Variants in MARK1 observed in about 807,000 individuals in gnomAD.
MARK1 encodes serine/threonine-protein kinase MARK1.
In MARK1, 40 loss-of-function variants were observed where a neutral mutation model predicts 96.3. The ratio of observed to expected loss-of-function variants is 0.42; its 90% CI spans 0.32 to 0.54. MARK1 has a LOEUF of 0.54. Among genes scored for constraint, MARK1 ranks in the 20% least tolerant of loss-of-function variants. The pLI, the probability that MARK1 is intolerant of heterozygous loss-of-function variation, is 0.16. For synonymous variants in MARK1, 317 were observed against 341.2 expected (o/e 0.93, Z 0.78); for missense variants, 719 against 984.6 (o/e 0.73, Z 3.61).
intron 1 of MARK1, among the ~76,000 whole-genome samples, chr1:220,559,495 A>G (rs941158425): frequency 6.6e-6 from 1 of 152,230 alleles, no homozygotes; most frequent in Non-Finnish European, 1.5e-5. Flanking sequence ...ATAGGCCCAT[A>G]GTTGGAAAGG....
At chr1:220,617,587 T>C (rs1200007017) in intron 7 of MARK1, among the ~76,000 whole-genome samples, 2 of 152,166 alleles carry the variant, frequency 1.3e-5, no homozygotes, top group Non-Finnish European at 2.9e-5. Context: ...AAAAGGGACA[T>C]GTAAAATATT....
At chr1:220,613,730 A>G (rs1666584519) in intron 6 of MARK1, among the ~76,000 whole-genome samples, 1 of 152,228 alleles carries the variant, frequency 6.6e-6, no homozygotes, top group Non-Finnish European at 1.5e-5. Context: ...ATATTGCTTA[A>G]GAAAACTAAT....
intron 1 of MARK1, among the ~76,000 whole-genome samples, chr1:220,558,655 G>C (rs1329454801): frequency 7.2e-5 from 11 of 151,830 alleles, no homozygotes; most frequent in Admixed American, 7.2e-4. Context: ...ATATATTACT[G>C]TAACTTATAC....
chr1:220,655,646 A>T (rs1025411132), intron 16 of MARK1, among the ~76,000 whole-genome samples: 2 of 152,106 alleles, frequency 1.3e-5, no homozygotes, highest in Admixed American at 6.5e-5. Context: ...CACTCCCGCC[A>T]CTGCCTTCAT....
intron 1 of MARK1, among the ~76,000 whole-genome samples, chr1:220,561,046 C>T (rs1444168536): frequency 2.0e-5 from 3 of 151,978 alleles, no homozygotes; most frequent in East Asian, 3.9e-4. Flanking sequence ...GTGTGGAAAG[C>T]AGGGAAGTTA....
At chr1:220,555,492 A>G (rs1201247912) in intron 1 of MARK1, among the ~76,000 whole-genome samples, 1 of 152,178 alleles carries the variant, frequency 6.6e-6, no homozygotes, top group Non-Finnish European at 1.5e-5. Flanking sequence ...AAAGGTGTAG[A>G]GAAGTGAATG....
chr1:220,640,767 G>A (rs1053172693), intron 13 of MARK1, among the ~76,000 whole-genome samples: 1 of 152,088 alleles, frequency 6.6e-6, no homozygotes, highest in African/African-American at 2.4e-5. Context: ...AAAATAAGAG[G>A]GGGCCAAATA....
Position 220,617,969 on chromosome 1 carries a change from T to A in MARK1, c.553-341T>A, listed in dbSNP as rs1383961960. Among the ~76,000 whole-genome samples the A allele has an allele frequency of 3.9e-5, 6 of 152,126 alleles. No individual in the cohort carries two copies. The East Asian group carries it at 1.2e-3, about 29-fold the overall frequency. On this transcript the variant is annotated intron_variant, in intron 7 of 17. Coordinates refer to ENST00000366917, the MANE Select transcript of MARK1 (RefSeq NM_018650.5). ...TGGATTCGTATTATGTTCTTTAGAG[T>A]AGGTCATATTAAGGTACGCTTCCAG...
chr1:220,553,107 A>T (rs1460348927), intron 1 of MARK1, among the ~76,000 whole-genome samples: 2 of 152,228 alleles, frequency 1.3e-5, no homozygotes, highest in Non-Finnish European at 2.9e-5. Flanking sequence ...AGTGATCTCC[A>T]TATGCTGTGC....
Position 220,614,535 on chromosome 1 carries a change from A to G in MARK1, c.496-1404A>G, listed in dbSNP as rs150014215. Among the ~76,000 whole-genome samples, 19 of 152,096 alleles carry G rather than the reference A, an allele frequency of 1.2e-4. No individual in the cohort carries two copies. In the East Asian group the frequency reaches 3.5e-3, roughly 28 times the overall value. ...ATAGGGGAATAATATATACCTCTCT[A>G]TATACAATATATAGAAAGGTAATAA... is the stretch of plus-strand genomic sequence containing the variant. On this transcript the variant is annotated intron_variant, in intron 6 of 17. Transcript: ENST00000366917.
intron 16 of MARK1, among the ~76,000 whole-genome samples, chr1:220,656,786 A>G (rs752209431): frequency 3.3e-5 from 5 of 151,208 alleles, no homozygotes; most frequent in Admixed American, 6.6e-5. Context: ...TCAGATAGAA[A>G]AATTTTTTTT....
rs17008033 is a variant in MARK1, at chr1:220,593,521, C to G, written c.310-4810C>G. Among the ~76,000 whole-genome samples, 1,298 of 152,128 alleles carry G rather than the reference C, an allele frequency of 8.5e-3. 16 individuals are homozygous for G. The highest frequency in any genetic ancestry group is 0.029 in the African/African-American group (1,188 of 41,506). ...TCATATTACTTGTGAATTTTATCTG[C>G]TCATGTGCCACAGTAAGAAAAAAAA... On this transcript the variant is annotated intron_variant, in intron 3 of 17. Coordinates refer to ENST00000366917, the MANE Select transcript of MARK1 (RefSeq NM_018650.5).
intron 1 of MARK1, among the ~76,000 whole-genome samples, chr1:220,540,604 CTA>C (rs1661069606): frequency 6.6e-6 from 1 of 152,100 alleles, no homozygotes; most frequent in Admixed American, 6.5e-5. Flanking sequence ...TACATTTCTT[CTA>C]TGTTATCTGA....
intron 14 of MARK1, 53 bp downstream of exon 14, chr1:220,650,773 G>A: frequency 7.7e-7 from 1 of 1,293,038 alleles, no homozygotes; most frequent in Non-Finnish European, 1.1e-6. Flanking sequence ...CTGTGTTAGT[G>A]CCCTTGCTGA....
intron 14 of MARK1, among the ~76,000 whole-genome samples, chr1:220,651,199 A>G (rs1288468691): frequency 2.0e-5 from 3 of 152,170 alleles, no homozygotes; most frequent in Non-Finnish European, 4.4e-5. Context: ...AAATCATATT[A>G]TTTTTATTAC....
chr1:220,593,879 G>A (rs985267876), intron 3 of MARK1, among the ~76,000 whole-genome samples: 1 of 152,146 alleles, frequency 6.6e-6, no homozygotes, highest in Non-Finnish European at 1.5e-5. Context: ...GGCCCCCTCA[G>A]CCCTCACTCT....
intron 3 of MARK1, among the ~76,000 whole-genome samples, chr1:220,581,842 G>C (rs1664262116): frequency 6.6e-6 from 1 of 152,080 alleles, no homozygotes; most frequent in South Asian, 2.1e-4. Flanking sequence ...TACTTAAATG[G>C]GAAAATTTTC....
chr1:220,563,644 T>C (rs1371839168), intron 1 of MARK1, among the ~76,000 whole-genome samples: 1 of 152,210 alleles, frequency 6.6e-6, no homozygotes, highest in Non-Finnish European at 1.5e-5. Flanking sequence ...TCTGTGTAGT[T>C]GGGTGAAAAT....
intron 5 of MARK1, among the ~76,000 whole-genome samples, chr1:220,603,483 T>C (rs538248945): frequency 7.2e-5 from 11 of 152,206 alleles, no homozygotes; most frequent in African/African-American, 2.4e-4. Context: ...GTATTAGAGA[T>C]ACACACACAA....
Sources: allele counts gnomAD v4.1 joint callset (sites outside exome capture counted in the v4.1 genomes callset), GRCh38; gene constraint gnomAD v4.1.1; transcripts MANE v1.5; gene names NCBI Gene and HGNC (gene_info 2026-07-23, HGNC 2026-07-21).